Variants in SKAP2 observed in about 807,000 individuals in gnomAD.
SKAP2 encodes src kinase-associated phosphoprotein 2.
In SKAP2, 28 loss-of-function variants were observed where a neutral mutation model predicts 54.9. That is an observed-to-expected ratio of 0.51 (90% CI 0.38 to 0.70). The LOEUF is 0.70. Ranked by LOEUF, SKAP2 falls within the 30% of genes least tolerant of loss-of-function variation. The pLI, the probability that SKAP2 is intolerant of heterozygous loss-of-function variation, is 0.00. For missense variants in SKAP2, 356 were observed against 424.1 expected (o/e 0.84, Z 1.41); for synonymous variants, 137 against 134.3 (o/e 1.02, Z -0.14).
chr7:26,854,099 G>A (rs764497614), intron 3 of SKAP2, 38 bp downstream of exon 3: 3 of 1,476,650 alleles, frequency 2.0e-6, no homozygotes, highest in Non-Finnish European at 2.8e-6. Flanking sequence ...TTCCACAGAG[G>A]AAAAAAATTT....
At chr7:26,734,255 T>C (rs2127959194) in intron 6 of SKAP2, among the ~76,000 whole-genome samples, 1 of 152,336 alleles carries the variant, frequency 6.6e-6, no homozygotes, top group African/African-American at 2.4e-5. Context: ...CCATTCTCCA[T>C]CATCCTATTA....
rs993462710 is a variant in SKAP2, at chr7:26,854,798, C to T, written c.160G>A (p.Asp54Asn). Residue 54 changes from aspartate to asparagine, a missense_variant, in exon 2 of 13, where the codon GAT (aspartate) becomes AAT (asparagine). By Grantham distance (23) the Asp-to-Asn change is conservative. Transcript: ENST00000345317. ...TAAGTGACTTACATAGACTTTACAT[C>T]TTTTATCTTCTTAATAAGGGATTCT... The part of the protein sequence containing the change: ...KRESLIKKIK[D>N]VKSIYLQEFQ... The T allele has an allele frequency of 6.3e-7, 1 of 1,598,596 alleles. No homozygotes were observed. The highest frequency in any genetic ancestry group is 1.3e-5 in the African/African-American group (1 of 74,752).
chr7:26,756,478 T>G (rs1415643395), intron 4 of SKAP2, among the ~76,000 whole-genome samples: 9 of 152,184 alleles, frequency 5.9e-5, no homozygotes, highest in Admixed American at 2.0e-4. Flanking sequence ...GTTTCCAGCT[T>G]CATCCATGTC....
At chr7:26,750,313 C>T (rs1395749083) in intron 4 of SKAP2, among the ~76,000 whole-genome samples, 1 of 134,978 alleles carries the variant, frequency 7.4e-6, no homozygotes, top group Non-Finnish European at 1.6e-5. Context: ...ATATACCATA[C>T]TTTTTTTTTT....
intron 9 of SKAP2, among the ~76,000 whole-genome samples, chr7:26,708,830 CAG>C (rs1193438746): frequency 1.3e-5 from 2 of 152,146 alleles, no homozygotes; most frequent in African/African-American, 2.4e-5. Context: ...ACTGTATCTC[CAG>C]TGTCTAGCAC....
At chr7:26,820,931 A>G (rs896131302) in intron 4 of SKAP2, among the ~76,000 whole-genome samples, 2 of 152,268 alleles carry the variant, frequency 1.3e-5, no homozygotes, top group Non-Finnish European at 2.9e-5. Flanking sequence ...CCCTACTACA[A>G]TCTTTTGAAA....
intron 9 of SKAP2, among the ~76,000 whole-genome samples, chr7:26,712,841 G>A (rs1037718465): frequency 1.2e-4 from 19 of 152,200 alleles, no homozygotes; most frequent in African/African-American, 4.6e-4. Flanking sequence ...GTGTAGTGAT[G>A]TGGAAGGTAT....
At chr7:26,663,760 G>C (rs1216249804), downstream of SKAP2, among the ~76,000 whole-genome samples, 6 of 152,138 alleles carry the variant, frequency 3.9e-5, no homozygotes, top group African/African-American at 1.4e-4. Context: ...CATTGGAGGA[G>C]GTGGGAAGGA....
chr7:26,671,830 C>T (rs1786250121), intron 11 of SKAP2, among the ~76,000 whole-genome samples: 1 of 151,970 alleles, frequency 6.6e-6, no homozygotes, highest in South Asian at 2.1e-4. Context: ...TACTAACTTA[C>T]TGAAAGTCAT....
chr7:26,857,500 C>G (rs1471117486), intron 1 of SKAP2: 6 of 985,220 alleles, frequency 6.1e-6, no homozygotes, highest in Non-Finnish European at 7.2e-6. Context: ...GCACAGGAGA[C>G]TCCTAGACGT....
At chr7:26,804,566 C>T (rs1293849968) in intron 4 of SKAP2, among the ~76,000 whole-genome samples, 1 of 151,946 alleles carries the variant, frequency 6.6e-6, no homozygotes, top group African/African-American at 2.4e-5. Flanking sequence ...TGGTGAAACG[C>T]TGTCTCTATT....
chr7:26,731,604 AAT>A (rs1227787569), intron 6 of SKAP2, among the ~76,000 whole-genome samples: 2 of 152,182 alleles, frequency 1.3e-5, no homozygotes, highest in African/African-American at 4.8e-5. Context: ...CTGCTCACTA[AAT>A]ATGTTTCATT....
chr7:26,768,333 T>A lies in SKAP2; in HGVS notation c.308-28369A>T, dbSNP rs376887024. On this transcript the variant is annotated intron_variant, in intron 4 of 12. Coordinates refer to ENST00000345317, the MANE Select transcript of SKAP2 (RefSeq NM_003930.5). ...CTTGATAAATATTCCTCCATCCCTT[T>A]ATTTTGACTCTATTTGTGTCTTTAC... Among the ~76,000 whole-genome samples the A allele has an allele frequency of 3.3e-5, 5 of 151,880 alleles. No individual in the cohort carries two copies. The East Asian group carries it at 7.7e-4, about 23-fold the overall frequency.
chr7:26,656,314 A>G, the SKAP2 span, among the ~76,000 whole-genome samples: 2 of 152,206 alleles, frequency 1.3e-5, no homozygotes, highest in African/African-American at 4.8e-5. Context: ...CTGCATCCCT[A>G]TGCATTTTTC....
chr7:26,688,324 T>C (rs530373857), intron 10 of SKAP2, among the ~76,000 whole-genome samples: 71 of 152,318 alleles, frequency 4.7e-4, no homozygotes, highest in Non-Finnish European at 8.7e-4. Context: ...ATATATAAGT[T>C]TGAACATGAA....
In SKAP2 at chr7:26,726,926, CTT is replaced by C; in HGVS notation, c.548_549del (p.Lys183ArgfsTer5). ...GGAGCAGAGATTTCAAAACAGCAAT[CTT>C]TCTTTCCATCCTTTCTTAGAGTGTT... ...MNNTLRKDGK[K>X]DCCFEISAPD... On this transcript the variant is annotated frameshift_variant, in exon 7 of 13. Transcript: ENST00000345317. LOFTEE classifies it high-confidence loss of function. 1 of 1,611,092 alleles carries C rather than the reference CTT, an allele frequency of 6.2e-7. No individual in the cohort carries two copies. Among genetic ancestry groups the C allele is most frequent in the Non-Finnish European group, 8.5e-7 (1 of 1,178,332 alleles).
At chr7:26,792,793 T>C (rs1197112404) in intron 4 of SKAP2, among the ~76,000 whole-genome samples, 1 of 152,172 alleles carries the variant, frequency 6.6e-6, no homozygotes, top group Non-Finnish European at 1.5e-5. Flanking sequence ...ACATCATTTA[T>C]AAGGAGGATG....
chr7:26,840,578 C>T (rs1315049771), intron 4 of SKAP2, among the ~76,000 whole-genome samples: 1 of 152,058 alleles, frequency 6.6e-6, no homozygotes, highest in Admixed American at 6.6e-5. Context: ...ATCTCATTAT[C>T]TCTAACTTTA....
intron 4 of SKAP2, among the ~76,000 whole-genome samples, chr7:26,787,148 T>C (rs907531793): frequency 6.6e-6 from 1 of 152,214 alleles, no homozygotes; most frequent in Non-Finnish European, 1.5e-5. Flanking sequence ...TTTGCTCTTA[T>C]TCACAGCCAC....
Sources: gnomAD v4.1 joint callset for allele counts (sites outside exome capture counted in the v4.1 genomes callset) on GRCh38, gnomAD v4.1.1 for gene constraint, MANE v1.5 for transcripts, NCBI Gene and HGNC (gene_info 2026-07-23, HGNC 2026-07-21) for gene names.